Variants in EMG1 observed in about 807,000 individuals in gnomAD.
EMG1 encodes EMG1 N1-specific pseudouridine methyltransferase, also known as ribosomal RNA small subunit methyltransferase NEP1.
EMG1 carries 24 observed loss-of-function variants against 26.9 expected under a neutral mutation model. The ratio of observed to expected loss-of-function variants is 0.89; its 90% CI spans 0.65 to 1.26. The LOEUF (loss-of-function observed/expected upper bound fraction) is 1.26. Ranked by LOEUF, EMG1 falls within the 50% of genes most tolerant of loss-of-function variation. The probability of loss-of-function intolerance (pLI) is 0.00; values close to 1 mark genes in which losing one functional copy is unlikely to be tolerated. For missense variants in EMG1, 299 were observed against 307.6 expected (o/e 0.97, Z 0.21); for synonymous variants, 140 against 112.6 (o/e 1.24, Z -1.54).
downstream of EMG1, chr12:6,983,010 C>A (rs1946486724): frequency 1.7e-6 from 1 of 603,534 alleles, no homozygotes; most frequent in Non-Finnish European, 3.1e-6. Context: ...AGAGATGCGA[C>A]TTGCTCTGTT....
At chr12:6,990,026 A>C (rs1365086914), downstream of EMG1, among the ~76,000 whole-genome samples, 2 of 151,420 alleles carry the variant, frequency 1.3e-5, no homozygotes, top group Non-Finnish European at 2.9e-5. Context: ...TAAAAAAAAT[A>C]GTTGGGTGGG....
At chr12:6,974,730 CAGTAGGGA>C (rs1474202829) in intron 3 of EMG1, 37 bp downstream of exon 3, 6 of 1,610,560 alleles carry the variant, frequency 3.7e-6, no homozygotes, top group Non-Finnish European at 5.1e-6. Flanking sequence ...ATGAACTTGT[CAGTAGGGA>C]AGAAGGGAGG....
downstream of EMG1, chr12:6,980,861 C>CA: frequency 3.0e-6 from 2 of 673,320 alleles, no homozygotes; most frequent in Non-Finnish European, 4.7e-6. Context: ...ACTCCTGGCA[C>CA]AGAGTGCCTG....
Position 6,977,791 on chromosome 12 carries a change from T to G in EMG1, c.*1982T>G. On this transcript the variant is annotated 3_prime_UTR_variant, in exon 6 of 6. Coordinates refer to ENST00000599672, the MANE Select transcript of EMG1 (RefSeq NM_006331.8). The surrounding 1 kb of genome is among the most constrained non-coding windows in gnomAD (Gnocchi z 4.5). ...GGCGACCCTCAAACTGACTGGTCCT[T>G]GCATCCCGCCACCTGCCTCTGGGTC... The G allele has an allele frequency of 6.2e-7, 1 of 1,610,046 alleles. No individual in the cohort carries two copies. The highest frequency in any genetic ancestry group is 1.7e-5 in the Admixed American group (1 of 59,888).
downstream of EMG1, among the ~76,000 whole-genome samples, chr12:6,980,299 T>G (rs1167496490): frequency 2.0e-5 from 3 of 152,130 alleles, no homozygotes; most frequent in African/African-American, 7.2e-5. Context: ...TGCCTTGGCC[T>G]CCCAGAGCGT....
chr12:6,981,463 A>C, downstream of EMG1: 1 of 924,084 alleles, frequency 1.1e-6, no homozygotes, highest in Non-Finnish European at 1.8e-6. Context: ...GTGCTATCTG[A>C]AAGGGAGATT....
intron 7 of EMG1, among the ~76,000 whole-genome samples, chr12:6,994,752 G>C (rs1448486194): frequency 6.6e-6 from 1 of 152,198 alleles, no homozygotes; most frequent in Non-Finnish European, 1.5e-5. Flanking sequence ...ACTGTGCTTG[G>C]CCAATGTTCA....
chr12:6,977,818 T>G lies in EMG1; in HGVS notation c.*2009T>G, dbSNP rs782632649. 1.3e-5 allele frequency: 20 copies of G among 1,560,072 alleles called. No homozygotes were observed. The highest frequency in any genetic ancestry group is 1.7e-5 in the Non-Finnish European group (19 of 1,136,808). On this transcript the variant is annotated 3_prime_UTR_variant, in exon 6 of 6. Coordinates refer to ENST00000599672, the MANE Select transcript of EMG1 (RefSeq NM_006331.8). This position sits in a 1 kb window ranked among gnomAD's most constrained non-coding sequence, Gnocchi z 4.5. ...CATCCCGCCACCTGCCTCTGGGTCC[T>G]CACCCTGAGGATTGGATTGGAGTGC...
intron 1 of EMG1, among the ~76,000 whole-genome samples, chr12:6,971,628 C>T (rs1302633291): frequency 6.6e-6 from 1 of 152,172 alleles, no homozygotes; most frequent in Non-Finnish European, 1.5e-5. Context: ...GCCCTCACCT[C>T]CTTGCTTCCA....
chr12:6,981,137 G>A, downstream of EMG1: 1 of 1,613,552 alleles, frequency 6.2e-7, no homozygotes, highest in Non-Finnish European at 8.5e-7. Flanking sequence ...AGCAGGGAAG[G>A]AACACCACGT....
chr12:6,992,362 C>T (rs894324015), downstream of EMG1, among the ~76,000 whole-genome samples: 1 of 151,706 alleles, frequency 6.6e-6, no homozygotes, highest in Admixed American at 6.6e-5. Flanking sequence ...ACTTCATCAA[C>T]GATTCTTAAG....
chr12:6,994,382 A>G (rs1456808934), intron 7 of EMG1, among the ~76,000 whole-genome samples: 2 of 151,066 alleles, frequency 1.3e-5, no homozygotes, highest in African/African-American at 4.9e-5. Context: ...TAATTTTTGT[A>G]TTTTCAGTAG....
In EMG1 at chr12:6,975,905, A is replaced by G. The variant is rs1946393460; in HGVS notation, c.*96A>G. On this transcript the variant is annotated 3_prime_UTR_variant, in exon 6 of 6. Transcript: ENST00000599672. ...GCTGGAAGATGATCTTTCTGCACTGAGACTGTGGAGTTTGGGGAAGCCAAG... is the reference window on the plus strand; with the variant it reads ...GCTGGAAGATGATCTTTCTGCACTGGGACTGTGGAGTTTGGGGAAGCCAAG... 4 of 763,874 alleles carry G rather than the reference A, an allele frequency of 5.2e-6. No individual in the cohort carries two copies. Among genetic ancestry groups the G allele is most frequent in the Non-Finnish European group, 9.2e-6 (4 of 434,648 alleles). The allele number at this position is 763,874 out of a possible 1,614,324, so 47.3% of individuals were successfully genotyped here.
intron 3 of EMG1, 78 bp from the exon 4 acceptor site, chr12:6,975,012 G>A (rs1946376570): frequency 9.3e-6 from 13 of 1,399,960 alleles, no homozygotes; most frequent in South Asian, 9.3e-5. Flanking sequence ...TCTTATCCAT[G>A]GGGTTTTCCT....
At chr12:6,974,873 C>A in intron 3 of EMG1, 180 bp downstream of exon 3, 1 of 814,488 alleles carries the variant, frequency 1.2e-6, no homozygotes, top group South Asian at 1.7e-5. Context: ...CCTGTTCTTG[C>A]AGTAGCTTCC....
chr12:6,977,777 A>C lies in EMG1; in HGVS notation c.*1968A>C, dbSNP rs782339550. On this transcript the variant is annotated 3_prime_UTR_variant, in exon 6 of 6. Transcript: ENST00000599672. The surrounding 1 kb of genome is among the most constrained non-coding windows in gnomAD (Gnocchi z 4.5). ...AAAAGGGTGGGTGGGGCGACCCTCA[A>C]ACTGACTGGTCCTTGCATCCCGCCA... is the stretch of plus-strand genomic sequence containing the variant. The C allele has an allele frequency of 6.2e-7, 1 of 1,612,864 alleles. No individual in the cohort carries two copies. Among genetic ancestry groups the C allele is most frequent in the East Asian group, 2.2e-5 (1 of 44,872 alleles).
At chr12:6,974,525 C>T in intron 2 of EMG1, 27 bp from the exon 3 acceptor site, 6 of 1,612,048 alleles carry the variant, frequency 3.7e-6, no homozygotes, top group Non-Finnish European at 5.1e-6. Context: ...TCAGCCTTAA[C>T]CATGTCTCGG....
chr12:6,975,708 T>C lies in EMG1; in HGVS notation c.634T>C (p.Tyr212His). Reference sequence around the variant, plus strand: ...GTTCTTTTCTTAGGTCAGTGTGGAGTATACAGAGAAGATGGTGTCCATCAG... The same window carrying C: ...GTTCTTTTCTTAGGTCAGTGTGGAGCATACAGAGAAGATGGTGTCCATCAG... Reference protein sequence around the residue: ...AFAHGKVSVEYTEKMVSISNY... With the variant: ...AFAHGKVSVEHTEKMVSISNY... Residue 212 changes from tyrosine (Y) to histidine (H), a missense_variant, in exon 6 of 6, where the codon TAT (tyrosine) becomes CAT (histidine). Physicochemically the swap from Tyr to His is moderately conservative, Grantham distance 83. Coordinates refer to ENST00000599672, the MANE Select transcript of EMG1 (RefSeq NM_006331.8). 6.2e-7 allele frequency: 1 copy of C among 1,608,580 alleles called. No homozygotes were observed. The highest frequency in any genetic ancestry group is 1.1e-5 in the South Asian group (1 of 90,964).
chr12:6,975,591 C>G, intron 5 of EMG1, 105 bp from the exon 6 acceptor site: 1 of 991,942 alleles, frequency 1.0e-6, no homozygotes, highest in Non-Finnish European at 1.6e-6. Context: ...TGATATTCAA[C>G]AGCACAGCTG....
Sources: gnomAD v4.1 joint callset for allele counts (sites outside exome capture counted in the v4.1 genomes callset) on GRCh38, gnomAD v4.1.1 for gene constraint, Gnocchi (gnomAD v3.1) non-coding constraint, MANE v1.5 for transcripts, NCBI Gene and HGNC (gene_info 2026-07-23, HGNC 2026-07-21) for gene names.